PPP1R16A: variants seen among roughly 807,000 people sequenced by gnomAD.
The protein encoded by PPP1R16A is protein phosphatase 1 regulatory subunit 16A.
A neutral mutation model predicts 46.6 loss-of-function variants in PPP1R16A; 39 were observed. The ratio of observed to expected loss-of-function variants is 0.84; its 90% CI spans 0.65 to 1.09. The LOEUF is 1.09. PPP1R16A is among the 50% of genes least tolerant of loss of function. The pLI is 0.00. For missense variants in PPP1R16A, 798 were observed against 735.6 expected (o/e 1.08, Z -0.98); for synonymous variants, 413 against 321.5 (o/e 1.28, Z -3.04).
intron 1 of PPP1R16A, among the ~76,000 whole-genome samples, chr8:144,482,837 C>T (rs1036868374): frequency 5.3e-5 from 8 of 152,116 alleles, no homozygotes; most frequent in Admixed American, 2.6e-4. Flanking sequence ...TTAGTAGAGA[C>T]GGGTTTCACC....
chr8:144,478,173 A>T lies in PPP1R16A; in HGVS notation c.-914+46A>T, dbSNP rs1250570406. On this transcript the variant is annotated intron_variant, in intron 1 of 11. Transcript: ENST00000435887. ...TCCTGCGGCGGGAGCGGAGCGAGGGAGAGGGGCCCCGGCCAGGGAGAGCAG... is the reference window on the plus strand; with the variant it reads ...TCCTGCGGCGGGAGCGGAGCGAGGGTGAGGGGCCCCGGCCAGGGAGAGCAG... 69 of 392,926 alleles carry T rather than the reference A, an allele frequency of 1.8e-4. 1 individual carries two copies. Among genetic ancestry groups the T allele is most frequent in the Non-Finnish European group, 1.0e-4 (23 of 222,762 alleles). The allele number at this position is 392,926 out of a possible 1,614,324, so 24.3% of individuals were successfully genotyped here.
rs1482679777 is a variant in PPP1R16A, at chr8:144,493,915, C to T, written c.-734-2546C>T. Among the ~76,000 whole-genome samples, 3 of 152,032 alleles carry T rather than the reference C, an allele frequency of 2.0e-5. No homozygotes were observed. The highest frequency in any genetic ancestry group is 4.4e-5 in the Non-Finnish European group (3 of 67,954). On this transcript the variant is annotated intron_variant, in intron 2 of 11. Transcript: ENST00000435887. This position sits in a 1 kb window ranked among gnomAD's most constrained non-coding sequence, Gnocchi z 4.3. ...GTGGGGGAGGTAGAGCCTCCCCGCC[C>T]GTGGGCCTCCCTCTGCAGCCAGGGG...
At chr8:144,483,374 A>G (rs1415424157) in intron 1 of PPP1R16A, among the ~76,000 whole-genome samples, 1 of 152,040 alleles carries the variant, frequency 6.6e-6, no homozygotes, top group Non-Finnish European at 1.5e-5. Flanking sequence ...TTGTCATCCT[A>G]TGTGTTGTGT....
intron 10 of PPP1R16A, 33 bp from the exon 11 acceptor site, chr8:144,501,096 T>C (rs970108986): frequency 1.2e-6 from 2 of 1,603,978 alleles, no homozygotes; most frequent in Middle Eastern, 1.6e-4. Context: ...GGCACTCCCC[T>C]TCCCCTCACT....
rs917289528 is a variant in PPP1R16A at position 144,478,065 on chromosome 8, G to T, written c.-976G>T. ...GCCCCCGCAGCGCCTCAGGGAGCGC[G>T]GGGCCCACTGACCCGCGGAAGCCAG... On this transcript the variant is annotated 5_prime_UTR_variant, in exon 1 of 12. Transcript: ENST00000435887. 1.8e-5 allele frequency: 7 copies of T among 395,622 alleles called. 1 individual carries two copies. The East Asian group carries it at 2.2e-4, about 12-fold the overall frequency. The allele number at this position is 395,622 out of a possible 1,614,324, so 24.5% of individuals were successfully genotyped here.
chr8:144,486,389 A>G (rs1586740719), intron 1 of PPP1R16A, among the ~76,000 whole-genome samples: 1 of 152,108 alleles, frequency 6.6e-6, no homozygotes, highest in African/African-American at 2.4e-5. Context: ...TCTCTGGGAT[A>G]AAGGCCCGTG....
intron 1 of PPP1R16A, among the ~76,000 whole-genome samples, chr8:144,488,465 G>A (rs1356675976): frequency 6.6e-6 from 1 of 152,148 alleles, no homozygotes; most frequent in East Asian, 1.9e-4. Context: ...TGGAGTCAGG[G>A]CTTGTAGTAG....
chr8:144,480,075 A>G (rs1825343171), intron 1 of PPP1R16A, among the ~76,000 whole-genome samples: 1 of 152,234 alleles, frequency 6.6e-6, no homozygotes, highest in African/African-American at 2.4e-5. Context: ...GAGAATGACA[A>G]GGTAACCACA....
At chr8:144,489,667 A>T (rs774622001) in intron 1 of PPP1R16A, among the ~76,000 whole-genome samples, 5 of 152,070 alleles carry the variant, frequency 3.3e-5, no homozygotes, top group Non-Finnish European at 7.4e-5. Context: ...TGCTGACCTC[A>T]GTAGACGTGG....
At position 144,478,002 on chromosome 8, in the gene PPP1R16A, G is replaced by C. The variant is rs1455791790; in HGVS notation, c.-1039G>C. The C allele has an allele frequency of 2.5e-6, 1 of 393,300 alleles. No individual in the cohort carries two copies. The highest frequency in any genetic ancestry group is 4.5e-6 in the Non-Finnish European group (1 of 222,584). The allele number at this position is 393,300 out of a possible 1,614,324, so 24.4% of individuals were successfully genotyped here. A position where few individuals can be genotyped will look rare whatever the true frequency, so the allele number is the denominator to read the frequency against. On this transcript the variant is annotated 5_prime_UTR_variant, in exon 1 of 12. Coordinates refer to ENST00000435887, the MANE Select transcript of PPP1R16A (RefSeq NM_001329443.2). ...CGGCTATGGGTACCGCGGGCCGGAAGTGTAGCGTTGCCATGGCGAGGGCCG... is the reference window on the plus strand; with the variant it reads ...CGGCTATGGGTACCGCGGGCCGGAACTGTAGCGTTGCCATGGCGAGGGCCG...
Position 144,500,826 on chromosome 8 carries a change from T to C in PPP1R16A, c.908-16T>C. On this transcript the variant is annotated splice_polypyrimidine_tract_variant and intron_variant, in intron 9 of 11. Coordinates refer to ENST00000435887, the MANE Select transcript of PPP1R16A (RefSeq NM_001329443.2). ...AGGCGGGGAGGGCGCCCCTGACGCC[T>C]GCGCCCACTTCTCAGATGTGTGCGG... 2 of 1,587,268 alleles carry C rather than the reference T, an allele frequency of 1.3e-6. No individual in the cohort carries two copies. The highest frequency in any genetic ancestry group is 1.7e-6 in the Non-Finnish European group (2 of 1,168,076).
intron 1 of PPP1R16A, among the ~76,000 whole-genome samples, chr8:144,487,129 A>C (rs908545766): frequency 2.6e-5 from 4 of 152,080 alleles, no homozygotes; most frequent in African/African-American, 9.7e-5. Flanking sequence ...CTGGGACTAC[A>C]GGTGTGTGGC....
At chr8:144,499,365 A>G (rs1219552875) in intron 5 of PPP1R16A, 18 of 408,336 alleles carry the variant, frequency 4.4e-5, no homozygotes, top group Non-Finnish European at 8.8e-6. Context: ...CAGAACTGCT[A>G]AGGAGGGAAG....
intron 1 of PPP1R16A, among the ~76,000 whole-genome samples, chr8:144,484,112 C>T (rs188350497): frequency 2.0e-5 from 3 of 152,372 alleles, no homozygotes; most frequent in Admixed American, 2.0e-4. Flanking sequence ...CCCTCACGGT[C>T]CCAGTGCTGC....
In PPP1R16A at chr8:144,478,058, G is replaced by T. The variant is rs1825247045; in HGVS notation, c.-983G>T. 2.5e-6 allele frequency: 1 copy of T among 395,304 alleles called. No individual in the cohort carries two copies. The highest frequency in any genetic ancestry group is 4.5e-6 in the Non-Finnish European group (1 of 223,916). 24.5% of individuals were successfully genotyped at this position (395,304 alleles called of 1,614,324 possible). A position where few individuals can be genotyped will look rare whatever the true frequency, so the allele number is the denominator to read the frequency against. On this transcript the variant is annotated 5_prime_UTR_variant, in exon 1 of 12. Coordinates refer to ENST00000435887, the MANE Select transcript of PPP1R16A (RefSeq NM_001329443.2). ...GGGGCCCGCCCCCGCAGCGCCTCAG[G>T]GAGCGCGGGGCCCACTGACCCGCGG...
chr8:144,500,664 A>G, intron 8 of PPP1R16A, 22 bp from the exon 9 acceptor site: 1 of 1,607,832 alleles, frequency 6.2e-7, no homozygotes, highest in South Asian at 1.1e-5. Context: ...AGCAGTCTGC[A>G]GCTCCGGCCT....
intron 3 of PPP1R16A, 46 bp from the exon 4 acceptor site, chr8:144,498,724 C>G: frequency 6.5e-7 from 1 of 1,529,564 alleles, no homozygotes; most frequent in East Asian, 2.3e-5. Context: ...TTGACAGGAC[C>G]TGACCAGGGG....
chr8:144,490,539 C>T (rs1825772814), intron 2 of PPP1R16A, among the ~76,000 whole-genome samples: 1 of 151,972 alleles, frequency 6.6e-6, no homozygotes. Context: ...CTGCTGTCTG[C>T]CCAGCCAAGG....
chr8:144,482,729 A>T (rs1375677379), intron 1 of PPP1R16A, among the ~76,000 whole-genome samples: 1 of 143,782 alleles, frequency 7.0e-6, no homozygotes, highest in Admixed American at 6.9e-5. Flanking sequence ...GCTCACTGCA[A>T]CCTCTGCCTC....
Sources: gnomAD v4.1 joint callset for allele counts (sites outside exome capture counted in the v4.1 genomes callset) on GRCh38, gnomAD v4.1.1 for gene constraint, Gnocchi (gnomAD v3.1) non-coding constraint, MANE v1.5 for transcripts, NCBI Gene and HGNC (gene_info 2026-07-23, HGNC 2026-07-21) for gene names.